Variants in VEGFC observed in about 807,000 individuals in gnomAD.
VEGFC encodes the protein vascular endothelial growth factor C.
In VEGFC, 12 loss-of-function variants were observed where a neutral mutation model predicts 46.1. The ratio of observed to expected loss-of-function variants is 0.26; its 90% confidence interval spans 0.17 to 0.42. VEGFC has a LOEUF of 0.42. Ranked by LOEUF, VEGFC falls within the 10% of genes least tolerant of loss-of-function variation. The probability of loss-of-function intolerance (pLI) is 1.00; values close to 1 mark genes in which losing one functional copy is unlikely to be tolerated. For missense variants in VEGFC, 488 were observed against 529.4 expected, an observed-to-expected ratio of 0.92 and a Z score of 0.77; for synonymous variants, 232 against 195.5, an observed-to-expected ratio of 1.19 and a Z score of -1.56.
At chr4:176,694,524 A>G (rs1203991217) in intron 4 of VEGFC, among the ~76,000 whole-genome samples, 1 of 151,826 alleles carries the variant, frequency 6.6e-6, no homozygotes, top group Non-Finnish European at 1.5e-5. Flanking sequence ...CCCACACATT[A>G]ATAATGGGAG....
intron 1 of VEGFC, among the ~76,000 whole-genome samples, chr4:176,779,741 G>GA (rs1170150530): frequency 6.6e-4 from 96 of 144,912 alleles, no homozygotes; most frequent in African/African-American, 1.8e-3. Context: ...CCCCAGATAG[G>GA]AAAAAAAAAA....
chr4:176,764,126 G>A (rs1472786099), intron 1 of VEGFC, among the ~76,000 whole-genome samples: 1 of 152,168 alleles, frequency 6.6e-6, no homozygotes, highest in Non-Finnish European at 1.5e-5. Context: ...CCTATTTGAA[G>A]ATATAACCAT....
At chr4:176,696,927 C>G (rs1414040748) in intron 4 of VEGFC, among the ~76,000 whole-genome samples, 2 of 151,438 alleles carry the variant, frequency 1.3e-5, no homozygotes, top group Non-Finnish European at 2.9e-5. Flanking sequence ...AACTGGCTAG[C>G]CATATGTAGA....
intron 1 of VEGFC, among the ~76,000 whole-genome samples, chr4:176,764,208 T>C (rs1735577629): frequency 6.6e-6 from 1 of 152,178 alleles, no homozygotes; most frequent in Non-Finnish European, 1.5e-5. Context: ...GCAGACATTA[T>C]GAGAGCAACA....
rs1423353991 is a variant in VEGFC, at chr4:176,740,021, TCG to T, written c.148-10277_148-10276del. The stretch of plus-strand genomic sequence containing the variant: ...ATATCGAATATATATAACTATATAT[TCG>T]ATATATCGAATATATATAACTATTC... On this transcript the variant is annotated intron_variant, in intron 1 of 6. Transcript: ENST00000618562. Among the ~76,000 whole-genome samples the T allele has an allele frequency of 4.3e-4, 36 of 83,140 alleles. 5 individuals are homozygous for T. The highest frequency in any genetic ancestry group is 1.2e-3 in the African/African-American group (32 of 27,636). The allele number at this position is 83,140 out of a possible 152,430, so 54.5% of individuals were successfully genotyped here. A position where few individuals can be genotyped will look rare whatever the true frequency, so the allele number is the denominator to read the frequency against.
intron 4 of VEGFC, among the ~76,000 whole-genome samples, chr4:176,692,629 C>T (rs1170335102): frequency 7.0e-6 from 1 of 143,466 alleles, no homozygotes; most frequent in Non-Finnish European, 1.5e-5. Flanking sequence ...CCCACCACAG[C>T]TCAAGGAGGC....
intron 1 of VEGFC, among the ~76,000 whole-genome samples, chr4:176,780,390 A>AAAAAAAAAACAAC (rs1560965531): frequency 6.6e-6 from 1 of 150,524 alleles, no homozygotes; most frequent in African/African-American, 2.4e-5. Context: ...TCAAAAAAAA[A>AAAAAAAAAACAAC]AAAAAAAAAC....
chr4:176,712,013 T>C (rs1479098398), intron 3 of VEGFC, among the ~76,000 whole-genome samples: 1 of 152,136 alleles, frequency 6.6e-6, no homozygotes, highest in East Asian at 1.9e-4. Context: ...ATTCCAGGGA[T>C]TTAAAAAGTG....
intron 4 of VEGFC, among the ~76,000 whole-genome samples, chr4:176,696,811 G>A (rs1481868610): frequency 6.6e-6 from 1 of 152,142 alleles, no homozygotes; most frequent in Non-Finnish European, 1.5e-5. Flanking sequence ...ACAGAACAGA[G>A]CCCTCAGAAA....
At chr4:176,767,123 T>TAAAAAAAAAAAAAAAAAAAAAAAACAAAA (rs70964805) in intron 1 of VEGFC, among the ~76,000 whole-genome samples, 1 of 50,480 alleles carries the variant, frequency 2.0e-5, no homozygotes, top group Non-Finnish European at 3.5e-5. Context: ...TGTAGAAATC[T>TAAAAAAAAAAAAAAAAAAAAAAAACAAAA]AAAAAAAAAA....
chr4:176,719,521 G>A (rs1057174164), intron 3 of VEGFC, among the ~76,000 whole-genome samples: 3 of 152,032 alleles, frequency 2.0e-5, no homozygotes, highest in Admixed American at 6.6e-5. Context: ...TTTATGCCTC[G>A]ACCTCCCTTG....
At chr4:176,786,595 A>G (rs958344273) in intron 1 of VEGFC, among the ~76,000 whole-genome samples, 1 of 152,164 alleles carries the variant, frequency 6.6e-6, no homozygotes, top group African/African-American at 2.4e-5. Context: ...AGTTTAATTC[A>G]CTTGTAGTAT....
rs765166802 is a variant in VEGFC at position 176,767,144 on chromosome 4, A to AAAC, written c.147+25020_147+25021insGTT. ...AATCTAAAAAAAAAAAAAAAAAAAA[A>AAAC]CAACCAAAAAGAAAAATGAACAAAA... On this transcript the variant is annotated intron_variant, in intron 1 of 6. Transcript: ENST00000618562. Among the ~76,000 whole-genome samples the AAAC allele has an allele frequency of 4.0e-5, 6 of 148,758 alleles. No individual in the cohort carries two copies. The East Asian group carries it at 9.8e-4, about 24-fold the overall frequency.
chr4:176,729,229 T>C (rs896671892), intron 2 of VEGFC, among the ~76,000 whole-genome samples: 2 of 152,220 alleles, frequency 1.3e-5, no homozygotes, highest in African/African-American at 2.4e-5. Flanking sequence ...GTTTAAGTTA[T>C]TAAACAGATA....
At chr4:176,697,241 A>C (rs1373669626) in intron 4 of VEGFC, among the ~76,000 whole-genome samples, 48 of 149,826 alleles carry the variant, frequency 3.2e-4, no homozygotes, top group Admixed American at 3.1e-3. Context: ...CTCATCTGAC[A>C]AAGGGCTAAT....
At chr4:176,763,308 G>T (rs1359580911) in intron 1 of VEGFC, among the ~76,000 whole-genome samples, 2 of 151,820 alleles carry the variant, frequency 1.3e-5, no homozygotes, top group South Asian at 2.1e-4. Flanking sequence ...GCATATTTGG[G>T]AGATATTATA....
intron 1 of VEGFC, among the ~76,000 whole-genome samples, chr4:176,768,701 A>G (rs1347989906): frequency 6.6e-6 from 1 of 151,616 alleles, no homozygotes; most frequent in African/African-American, 2.4e-5. Flanking sequence ...ACCCCAGGAG[A>G]CAATATTCCT....
chr4:176,720,655 C>T (rs1734770614), intron 3 of VEGFC, among the ~76,000 whole-genome samples: 1 of 151,810 alleles, frequency 6.6e-6, no homozygotes, highest in South Asian at 2.1e-4. Context: ...GCCTGGCTAA[C>T]ATGGTGAAAC....
At chr4:176,695,311 C>A (rs1421968876) in intron 4 of VEGFC, among the ~76,000 whole-genome samples, 1 of 150,370 alleles carries the variant, frequency 6.7e-6, no homozygotes. Flanking sequence ...CCACCGATCC[C>A]ACAGAAATAC....
Sources: allele counts gnomAD v4.1 joint callset (sites outside exome capture counted in the v4.1 genomes callset), GRCh38; gene constraint gnomAD v4.1.1; transcripts MANE v1.5; gene names NCBI Gene and HGNC (gene_info 2026-07-23, HGNC 2026-07-21).